BIRC6: variants seen among roughly 807,000 people sequenced by gnomAD.
BIRC6 encodes the protein dual E2 ubiquitin-conjugating enzyme/E3 ubiquitin-protein ligase BIRC6.
Under a neutral mutation model 503.3 loss-of-function variants are expected in BIRC6, and 98 were observed. The observed-to-expected ratio is 0.19, with a 90% confidence interval of 0.17 to 0.23. The LOEUF (loss-of-function observed/expected upper bound fraction) is 0.23. BIRC6 is among the 10% of genes least tolerant of loss of function. The pLI is 1.00. For synonymous variants in BIRC6, 2,240 were observed against 2,078.7 expected (o/e 1.08, Z -2.11); for missense variants, 5,360 against 5,806.0 (o/e 0.92, Z 2.50).
intron 65 of BIRC6, among the ~76,000 whole-genome samples, chr2:32,569,997 G>C (rs1029746995): frequency 4.6e-5 from 7 of 151,892 alleles, no homozygotes; most frequent in African/African-American, 1.7e-4. Flanking sequence ...CTCTTGACTT[G>C]TTCCAGTTCT....
intron 66 of BIRC6, among the ~76,000 whole-genome samples, chr2:32,581,830 C>A (rs1010491250): frequency 1.3e-5 from 2 of 152,058 alleles, no homozygotes; most frequent in East Asian, 3.9e-4. Flanking sequence ...AATTGTGCAA[C>A]AATGGAAAAG....
rs1290575767 is a variant in BIRC6, at chr2:32,608,332, C to T, written c.14259+689C>T. Reference sequence around the variant, plus strand: ...TAGTACAGATGAAGTATAAAACTATCTATATTCTAAAAGACATCTGACTAA... The same window carrying T: ...TAGTACAGATGAAGTATAAAACTATTTATATTCTAAAAGACATCTGACTAA... On this transcript the variant is annotated intron_variant, in intron 72 of 73. Coordinates refer to ENST00000421745, the MANE Select transcript of BIRC6 (RefSeq NM_016252.4). 2.0e-5 allele frequency among the ~76,000 whole-genome samples: 3 copies of T among 151,874 alleles called. No homozygotes were observed. In the East Asian group the frequency reaches 5.8e-4, roughly 29 times the overall value.
intron 15 of BIRC6, among the ~76,000 whole-genome samples, chr2:32,436,410 A>G (rs1241709130): frequency 6.6e-6 from 1 of 152,120 alleles, no homozygotes; most frequent in Non-Finnish European, 1.5e-5. Flanking sequence ...TTTTTGAAAA[A>G]ACGTTGAAGA....
rs147948613 is a variant in BIRC6 at position 32,513,519 on chromosome 2, T to C, written c.10568+365T>C. Among the ~76,000 whole-genome samples, 1,316 of 152,330 alleles carry C rather than the reference T, an allele frequency of 8.6e-3. 10 individuals carry two copies. Among genetic ancestry groups the C allele is most frequent in the Middle Eastern group, 0.02 (6 of 294 alleles). On this transcript the variant is annotated intron_variant, in intron 54 of 73. Coordinates refer to ENST00000421745, the MANE Select transcript of BIRC6 (RefSeq NM_016252.4). ...GGGTGGGCATGGTGGCTCACACCTG[T>C]AATCCCAGCACTTTGGAGGCCGAGG...
chr2:32,477,573 T>A lies in BIRC6; in HGVS notation c.7058T>A (p.Phe2353Tyr). ...DFTCHADLLL[F>Y]VCKVLARIAN... ...ACATGTCATGCAGATCTCTTATTGTTTGTTTGTAAGGTATGTAAACTATAA... is the reference window on the plus strand; with the variant it reads ...ACATGTCATGCAGATCTCTTATTGTATGTTTGTAAGGTATGTAAACTATAA... The change falls in exon 35 of 74, where the codon TTT becomes TAT. Residue 2353 changes from phenylalanine to tyrosine, a missense_variant. Transcript: ENST00000421745. 2 of 1,613,416 alleles carry A rather than the reference T, an allele frequency of 1.2e-6. No individual in the cohort carries two copies. Among genetic ancestry groups the A allele is most frequent in the Non-Finnish European group, 1.7e-6 (2 of 1,179,500 alleles).
At chr2:32,533,875 T>C (rs1400953307) in intron 61 of BIRC6, among the ~76,000 whole-genome samples, 1 of 152,172 alleles carries the variant, frequency 6.6e-6, no homozygotes, top group Admixed American at 6.5e-5. Flanking sequence ...AAATAATAAA[T>C]TGTGCTGTTC....
chr2:32,453,069 T>G (rs1199648192), intron 22 of BIRC6, among the ~76,000 whole-genome samples: 1 of 148,052 alleles, frequency 6.8e-6, no homozygotes, highest in Non-Finnish European at 1.5e-5. Context: ...GAGTGCTAAT[T>G]CCAAAAAAAA....
intron 46 of BIRC6, among the ~76,000 whole-genome samples, chr2:32,500,358 A>G (rs1233442010): frequency 6.6e-6 from 1 of 151,286 alleles, no homozygotes; most frequent in Non-Finnish European, 1.5e-5. Flanking sequence ...GGTTCAAGCA[A>G]TTCTCGTGCC....
chr2:32,510,457 A>G lies in BIRC6; in HGVS notation c.10238-69A>G, dbSNP rs1558930879. The G allele has an allele frequency of 8.9e-6, 8 of 900,968 alleles. No homozygotes were observed. The East Asian group carries it at 1.4e-4, about 16-fold the overall frequency. The allele number at this position is 900,968 out of a possible 1,614,324, so 55.8% of individuals were successfully genotyped here. A position where few individuals can be genotyped will look rare whatever the true frequency, so the allele number is the denominator to read the frequency against. On this transcript the variant is annotated intron_variant, in intron 52 of 73. Coordinates refer to ENST00000421745, the MANE Select transcript of BIRC6 (RefSeq NM_016252.4). ...CATTTTTAATGAATAACTTAATTCA[A>G]TTAAGTAAATCTTCCCATGGTTAAC...
chr2:32,385,244 C>G (rs2038270136), intron 3 of BIRC6, among the ~76,000 whole-genome samples: 1 of 152,192 alleles, frequency 6.6e-6, no homozygotes, highest in Non-Finnish European at 1.5e-5. Flanking sequence ...ATTATTTCAT[C>G]ATAAGGAGTT....
intron 9 of BIRC6, among the ~76,000 whole-genome samples, chr2:32,414,058 G>T (rs1322749109): frequency 6.6e-6 from 1 of 152,130 alleles, no homozygotes; most frequent in Non-Finnish European, 1.5e-5. Flanking sequence ...TTGAGAGGCC[G>T]AGGCGGGTGG....
intron 22 of BIRC6, 125 bp from the exon 23 acceptor site, chr2:32,453,683 A>C: frequency 1.1e-6 from 1 of 869,956 alleles, no homozygotes. Context: ...TGATTCAAGC[A>C]CTGTGTAAGA....
chr2:32,552,814 C>A (rs2058513489), intron 65 of BIRC6, among the ~76,000 whole-genome samples: 1 of 150,262 alleles, frequency 6.7e-6, no homozygotes, highest in African/African-American at 2.5e-5. Flanking sequence ...TAAATAGTAG[C>A]CACTTAAAAA....
In BIRC6 at chr2:32,467,711, T is replaced by C. The variant is rs1357013313; in HGVS notation, c.5543T>C (p.Ile1848Thr). Residue 1848 changes from isoleucine (I) to threonine (T), a missense_variant, in exon 27 of 74, where the codon ATA (isoleucine) becomes ACA (threonine). Ile to Thr is a moderately conservative substitution (Grantham distance 89). Transcript: ENST00000421745. ...STHSLILHDL[I>T]PPPVCRFMKI... ...CATTCACTAATTCTTCATGACTTAA[T>C]ACCACCTCCCGTGTGCAGATTCATG... 2.5e-6 allele frequency: 4 copies of C among 1,613,716 alleles called. No homozygotes were observed. Among genetic ancestry groups the C allele is most frequent in the Non-Finnish European group, 3.4e-6 (4 of 1,179,756 alleles).
chr2:32,617,986 T>G lies in BIRC6; in HGVS notation c.*82T>G. 1 of 1,326,650 alleles carries G rather than the reference T, an allele frequency of 7.5e-7. No homozygotes were observed. Among genetic ancestry groups the G allele is most frequent in the South Asian group, 1.5e-5 (1 of 68,710 alleles). The allele number at this position is 1,326,650 out of a possible 1,614,324, so 82.2% of individuals were successfully genotyped here. A position where few individuals can be genotyped will look rare whatever the true frequency, so the allele number is the denominator to read the frequency against. ...TCAATATTTGTATGTAAGAAACTAATTATGTAATAGGTAATGAAACTGAAA... is the reference window on the plus strand; with the variant it reads ...TCAATATTTGTATGTAAGAAACTAAGTATGTAATAGGTAATGAAACTGAAA... On this transcript the variant is annotated 3_prime_UTR_variant, in exon 74 of 74. Transcript: ENST00000421745.
intron 23 of BIRC6, among the ~76,000 whole-genome samples, chr2:32,459,050 C>T (rs878974980): frequency 2.0e-5 from 3 of 152,040 alleles, no homozygotes; most frequent in Admixed American, 6.5e-5. Context: ...AATCTACCAA[C>T]GTTCTTTTTA....
intron 26 of BIRC6, among the ~76,000 whole-genome samples, chr2:32,466,831 G>A (rs1029223433): frequency 6.6e-6 from 1 of 151,946 alleles, no homozygotes; most frequent in Non-Finnish European, 1.5e-5. Context: ...TTTTTAAAGA[G>A]ACGGGTGGCT....
chr2:32,461,007 CTTCTCTT>C (rs2047846151), intron 23 of BIRC6, among the ~76,000 whole-genome samples: 1 of 36,214 alleles, frequency 2.8e-5, no homozygotes, highest in Non-Finnish European at 6.2e-5. Context: ...GCTCTCTTCT[CTTCTCTT>C]CTCTTCTCTT....
rs745714252 is a variant in BIRC6, at chr2:32,502,833, G to A, written c.9246G>A (p.Leu3082=). The part of the protein sequence containing the change: ...LATCQLSEPL[L]WFILRVLDTS... ...CTTGCCAGTTATCTGAGCCATTATTGTGGTTCATTTTGAGAGTATTGGATA... is the reference window on the plus strand; with the variant it reads ...CTTGCCAGTTATCTGAGCCATTATTATGGTTCATTTTGAGAGTATTGGATA... Residue 3082 remains leucine, a synonymous_variant, in exon 48 of 74, where the codon TTG becomes TTA. Coordinates refer to ENST00000421745, the MANE Select transcript of BIRC6 (RefSeq NM_016252.4). The A allele has an allele frequency of 6.8e-6, 11 of 1,612,744 alleles. No homozygotes were observed. The highest frequency in any genetic ancestry group is 9.3e-6 in the Non-Finnish European group (11 of 1,179,546).
Sources: gnomAD v4.1 joint callset for allele counts (sites outside exome capture counted in the v4.1 genomes callset) on GRCh38, gnomAD v4.1.1 for gene constraint, MANE v1.5 for transcripts, NCBI Gene and HGNC (gene_info 2026-07-23, HGNC 2026-07-21) for gene names.